APC: variants seen among roughly 807,000 people sequenced by gnomAD.
The protein encoded by APC is adenomatous polyposis coli protein.
APC carries 72 observed loss-of-function variants against 247.0 expected under a neutral mutation model. That is an observed-to-expected ratio of 0.29 (90% CI 0.24 to 0.35). The LOEUF is 0.35. APC is among the 10% of genes least tolerant of loss of function. APC has a pLI of 1.00. For synonymous variants in APC, 1,254 were observed against 1,162.5 expected (o/e 1.08, Z -1.60); for missense variants, 3,400 against 3,360.7 (o/e 1.01, Z -0.29).
At chr5:112,785,919 C>T (rs1483880699) in intron 6 of APC, among the ~76,000 whole-genome samples, 1 of 151,956 alleles carries the variant, frequency 6.6e-6, no homozygotes, top group Non-Finnish European at 1.5e-5. Flanking sequence ...AATGGAAACT[C>T]AAAAGCAATA....
In APC at chr5:112,763,993, T is replaced by C. The variant is rs7723423; in HGVS notation, c.136-2333T>C. Reference sequence around the variant, plus strand: ...TGGCTCACGCCTGTAATCCCAGCACTTTGGGAGGCTGACGCGGGCGGATGG... The same window carrying C: ...TGGCTCACGCCTGTAATCCCAGCACCTTGGGAGGCTGACGCGGGCGGATGG... On this transcript the variant is annotated intron_variant, in intron 2 of 15. Coordinates refer to ENST00000257430, the MANE Select transcript of APC (RefSeq NM_000038.6). Among the ~76,000 whole-genome samples, 5,468 of 151,476 alleles carry C rather than the reference T, an allele frequency of 0.036. 307 individuals are homozygous for C. Among genetic ancestry groups the C allele is most frequent in the African/African-American group, 0.13 (5,171 of 41,164 alleles).
At position 112,707,594 on chromosome 5, in the gene APC, CCTGCGGGCTCAGGCCCGGGAG is replaced by C. The variant is rs1433763412; in HGVS notation, c.-117_-97del. ...AAGCCTAGCCGCTGCTCGGGGGGGA[CCTGCGGGCTCAGGCCCGGGAG>C]CTGCGGACCGAGGTTGGCTCGATGC... On this transcript the variant is annotated 5_prime_UTR_variant, in exon 1 of 14. Coordinates refer to the APC transcript ENST00000507379. 24 of 1,043,116 alleles carry C rather than the reference CCTGCGGGCTCAGGCCCGGGAG, an allele frequency of 2.3e-5. No homozygotes were observed. Among genetic ancestry groups the C allele is most frequent in the Non-Finnish European group, 3.2e-5 (24 of 760,388 alleles). 64.6% of individuals were successfully genotyped at this position (1,043,116 alleles called of 1,614,324 possible). A position where few individuals can be genotyped will look rare whatever the true frequency, so the allele number is the denominator to read the frequency against.
rs1554087729 is a variant in APC, at chr5:112,842,378, A to G, written c.6784A>G (p.Ser2262Gly). 3 of 1,614,038 alleles carry G rather than the reference A, an allele frequency of 1.9e-6. No individual in the cohort carries two copies. In the African/African-American group the frequency reaches 4.0e-5, roughly 22 times the overall value. Residue 2262 changes from serine (S) to glycine (G), a missense_variant, in exon 16 of 16, where the codon AGT becomes GGT. Ser to Gly is a moderately conservative substitution (Grantham distance 56). Coordinates refer to ENST00000257430, the MANE Select transcript of APC (RefSeq NM_000038.6). ...PLKTPASKSP[S>G]EGQTATTSPR... is the part of the protein sequence containing the mutation. ...TAAGACTCCAGCCTCCAAAAGCCCTAGTGAAGGTCAAACAGCCACCACTTC... is the reference window on the plus strand; with the variant it reads ...TAAGACTCCAGCCTCCAAAAGCCCTGGTGAAGGTCAAACAGCCACCACTTC...
Position 112,839,682 on chromosome 5 carries a change from A to G in APC, c.4088A>G (p.Lys1363Arg), listed in dbSNP as rs373607243. The G allele has an allele frequency of 5.6e-6, 9 of 1,613,992 alleles. No individual in the cohort carries two copies. The highest frequency in any genetic ancestry group is 1.7e-5 in the Admixed American group (1 of 59,998). The change falls in exon 16 of 16, where the codon AAA (lysine) becomes AGA (arginine). Residue 1363 changes from lysine to arginine, a missense_variant. Physicochemically the swap from Lys to Arg is conservative, Grantham distance 26. Around this residue, in one of 9 missense-constraint regions of APC, gnomAD observed 715 missense variants for 656.6 expected, o/e 1.09. Transcript: ENST00000257430. The surrounding 1 kb of genome is among the most constrained non-coding windows in gnomAD (Gnocchi z 5.0). ...EFSSGAKSPS[K>R]SGAQTPKSPP... ...TCTTCAGGAGCGAAATCTCCCTCCA[A>G]AAGTGGTGCTCAGACACCCAAAAGT...
At chr5:112,804,414 C>T (rs1294417179) in intron 8 of APC, among the ~76,000 whole-genome samples, 2 of 152,016 alleles carry the variant, frequency 1.3e-5, no homozygotes, top group East Asian at 3.9e-4. Flanking sequence ...GACAGAGTCT[C>T]GCTCTGTCAG....
rs1276286382 is a variant in APC, at chr5:112,844,111, T to C, written c.8517T>C (p.Leu2839=). The change falls in exon 16 of 16, where the codon CTT becomes CTC. Residue 2839 remains leucine, a synonymous_variant. Coordinates refer to ENST00000257430, the MANE Select transcript of APC (RefSeq NM_000038.6). ...CTAAGCGCCATTCTGGGTCTTACCTTGTGACATCTGTTTAAAAGAGAGGAA... is the reference window on the plus strand; with the variant it reads ...CTAAGCGCCATTCTGGGTCTTACCTCGTGACATCTGTTTAAAAGAGAGGAA... ...QSPKRHSGSY[L]VTSV The C allele has an allele frequency of 6.2e-7, 1 of 1,612,414 alleles. No individual in the cohort carries two copies. The highest frequency in any genetic ancestry group is 2.2e-5 in the East Asian group (1 of 44,872).
At chr5:112,792,660 T>A (rs1759760649) in intron 7 of APC, 131 bp downstream of exon 7, 2 of 684,736 alleles carry the variant, frequency 2.9e-6, no homozygotes, top group Non-Finnish European at 5.0e-6. Context: ...TACCGTAATT[T>A]TTTTCGTGAA....
chr5:112,795,273 G>A (rs1043353853), intron 7 of APC, among the ~76,000 whole-genome samples: 7 of 152,072 alleles, frequency 4.6e-5, no homozygotes, highest in Non-Finnish European at 8.8e-5. Flanking sequence ...TGATCTGCCC[G>A]CCTCGGCCTC....
intron 6 of APC, among the ~76,000 whole-genome samples, chr5:112,789,805 G>A (rs1759370325): frequency 6.6e-6 from 1 of 152,064 alleles, no homozygotes; most frequent in South Asian, 2.1e-4. Context: ...TACTTCTTCA[G>A]ATGGTTTTCA....
intron 10 of APC, among the ~76,000 whole-genome samples, chr5:112,819,848 A>G (rs771826105): frequency 6.6e-6 from 1 of 152,170 alleles, no homozygotes; most frequent in Non-Finnish European, 1.5e-5. Context: ...CATTTTACAG[A>G]TGAAAAAACT....
In APC at chr5:112,717,427, C is replaced by T. The variant is rs1177164135; in HGVS notation, c.165+9545C>T. Reference sequence around the variant, plus strand: ...ATGTCTTTACCATCTTTTTACTTTTCGTATGATCTTGCACTTAAGATTGCT... The same window carrying T: ...ATGTCTTTACCATCTTTTTACTTTTTGTATGATCTTGCACTTAAGATTGCT... On this transcript the variant is annotated intron_variant, in intron 1 of 13. Transcript: ENST00000507379. 3.3e-5 allele frequency among the ~76,000 whole-genome samples: 5 copies of T among 152,114 alleles called. 1 individual carries two copies. The South Asian group carries it at 8.3e-4, about 25-fold the overall frequency.
In APC at chr5:112,841,445, T is replaced by G. The variant is rs2149950887; in HGVS notation, c.5851T>G (p.Leu1951Val). 1 of 1,613,994 alleles carries G rather than the reference T, an allele frequency of 6.2e-7. No individual in the cohort carries two copies. The highest frequency in any genetic ancestry group is 8.5e-7 in the Non-Finnish European group (1 of 1,179,890). The stretch of plus-strand genomic sequence containing the variant: ...CAGAGGGGCAGCAACTGATGAAAAG[T>G]TACAGAATTTTGCTATTGAAAATAC... ...PDRGAATDEK[L>V]QNFAIENTPV... is the part of the protein sequence containing the mutation. Residue 1951 changes from leucine to valine, a missense_variant, in exon 16 of 16, where the codon TTA becomes GTA. Leu to Val is a conservative substitution (Grantham distance 32). Around this residue, in one of 9 missense-constraint regions of APC, gnomAD observed 1,788 missense variants for 1,649.5 expected, o/e 1.08. Transcript: ENST00000257430. This position sits in a 1 kb window ranked among gnomAD's most constrained non-coding sequence, Gnocchi z 4.6.
chr5:112,798,870 AAAC>A (rs1372669092), intron 7 of APC, among the ~76,000 whole-genome samples: 2 of 152,160 alleles, frequency 1.3e-5, no homozygotes, highest in Non-Finnish European at 2.9e-5. Context: ...ATGTGACTGA[AAAC>A]AAGTTACTTA....
intron 1 of APC, among the ~76,000 whole-genome samples, chr5:112,745,962 G>T (rs936747073): frequency 1.3e-5 from 2 of 152,200 alleles, no homozygotes; most frequent in Non-Finnish European, 2.9e-5. Context: ...GTAGTGGAAA[G>T]TATGTGTTGA....
At chr5:112,743,305 T>G (rs1753255947) in intron 1 of APC, among the ~76,000 whole-genome samples, 1 of 152,230 alleles carries the variant, frequency 6.6e-6, no homozygotes, top group Admixed American at 6.5e-5. Flanking sequence ...ATCTTTAACT[T>G]AATCACATCT....
chr5:112,803,762 A>G (rs1489011421), intron 8 of APC, among the ~76,000 whole-genome samples: 1 of 152,244 alleles, frequency 6.6e-6, no homozygotes, highest in Non-Finnish European at 1.5e-5. Flanking sequence ...TGGTGCATCC[A>G]TGCAAATATT....
chr5:112,710,114 T>C lies in APC; in HGVS notation c.165+2232T>C, dbSNP rs530523905. Among the ~76,000 whole-genome samples the C allele has an allele frequency of 2.6e-5, 4 of 152,300 alleles. No homozygotes were observed. In the East Asian group the frequency reaches 5.8e-4, roughly 22 times the overall value. ...CTATTGATGGCCTAGAATGCTTCAC[T>C]TTCTGTAGACTTACCTTTCTAGTCC... On this transcript the variant is annotated intron_variant, in intron 1 of 13. Transcript: ENST00000507379.
intron 8 of APC, among the ~76,000 whole-genome samples, 181 bp downstream of exon 8, chr5:112,801,564 G>A (rs1215153939): frequency 1.3e-5 from 2 of 152,062 alleles, no homozygotes; most frequent in Non-Finnish European, 2.9e-5. Context: ...CAATAATGCT[G>A]TAAGGATTTT....
intron 5 of APC, among the ~76,000 whole-genome samples, chr5:112,777,293 AC>A (rs1265003825): frequency 2.0e-5 from 3 of 152,152 alleles, no homozygotes; most frequent in Admixed American, 1.3e-4. Flanking sequence ...CGAAAAAAAA[AC>A]AAGTAAGAAA....
Sources: allele counts gnomAD v4.1 joint callset (sites outside exome capture counted in the v4.1 genomes callset), GRCh38; gene constraint gnomAD v4.1.1; regional missense constraint gnomAD v4.1.1; non-coding constraint Gnocchi (gnomAD v3.1); transcripts MANE v1.5; gene names NCBI Gene and HGNC (gene_info 2026-07-23, HGNC 2026-07-21).